Variants in CORO2B observed in about 807,000 individuals in gnomAD.
The protein encoded by CORO2B is coronin-2B.
In CORO2B, 26 loss-of-function variants were observed where a neutral mutation model predicts 58.8. The ratio of observed to expected loss-of-function variants is 0.44; its 90% CI spans 0.32 to 0.61. The LOEUF is 0.61. Ranked by LOEUF, CORO2B falls within the 20% of genes least tolerant of loss-of-function variation. The pLI, the probability that CORO2B is intolerant of heterozygous loss-of-function variation, is 0.04. For missense variants in CORO2B, 460 were observed against 645.1 expected (o/e 0.71, Z 3.11); for synonymous variants, 242 against 253.8 (o/e 0.95, Z 0.44).
chr15:68,593,510 A>AATC (rs1205465406), intron 1 of CORO2B, among the ~76,000 whole-genome samples: 1 of 152,168 alleles, frequency 6.6e-6, no homozygotes, highest in Non-Finnish European at 1.5e-5. Flanking sequence ...GCTGAAACAC[A>AATC]ATCTGGAGCC....
At chr15:68,559,526 G>C in the CORO2B span, 1 of 913,308 alleles carries the variant, frequency 1.1e-6, no homozygotes, top group Non-Finnish European at 1.3e-6. This position sits in a 1 kb window ranked among gnomAD's most constrained non-coding sequence, Gnocchi z 4.3. Context: ...AGGGGGTAGC[G>C]GGGAGGGCGA....
At chr15:68,632,604 T>G (rs1407293067) in intron 1 of CORO2B, among the ~76,000 whole-genome samples, 1 of 152,252 alleles carries the variant, frequency 6.6e-6, no homozygotes, top group Non-Finnish European at 1.5e-5. Flanking sequence ...TTTTGTGTTT[T>G]TTTGGAGACA....
intron 1 of CORO2B, among the ~76,000 whole-genome samples, chr15:68,614,328 G>A (rs561795521): frequency 2.6e-5 from 4 of 152,286 alleles, no homozygotes; most frequent in African/African-American, 7.2e-5. Context: ...GGAAGGTGCC[G>A]TATTATCACA....
intron 1 of CORO2B, among the ~76,000 whole-genome samples, chr15:68,586,962 C>A (rs1024088752): frequency 2.6e-5 from 4 of 151,850 alleles, no homozygotes; most frequent in Non-Finnish European, 5.9e-5. Context: ...TTAGTGGGCT[C>A]AATTATGACC....
At chr15:68,678,821 T>A (rs1453418953) in intron 2 of CORO2B, among the ~76,000 whole-genome samples, 1 of 152,156 alleles carries the variant, frequency 6.6e-6, no homozygotes, top group Non-Finnish European at 1.5e-5. Flanking sequence ...ACTCCAGCCT[T>A]CATTGCCGGT....
At chr15:68,619,322 C>T (rs1665297573) in intron 1 of CORO2B, among the ~76,000 whole-genome samples, 1 of 152,134 alleles carries the variant, frequency 6.6e-6, no homozygotes, top group African/African-American at 2.4e-5. Context: ...TTTCATCCTG[C>T]TGCAATGTAT....
chr15:68,530,897 C>T, the CORO2B span, among the ~76,000 whole-genome samples: 3 of 152,088 alleles, frequency 2.0e-5, no homozygotes, highest in Non-Finnish European at 4.4e-5. Flanking sequence ...GAATCTGCCT[C>T]TTTATTGTTT....
intron 3 of CORO2B, among the ~76,000 whole-genome samples, chr15:68,705,561 C>T (rs1397642789): frequency 6.6e-6 from 1 of 151,994 alleles, no homozygotes; most frequent in Admixed American, 6.5e-5. Flanking sequence ...GATATTTATT[C>T]ATCTGAGTCC....
chr15:68,616,152 G>T (rs958003973), intron 1 of CORO2B, among the ~76,000 whole-genome samples: 1 of 152,152 alleles, frequency 6.6e-6, no homozygotes, highest in African/African-American at 2.4e-5. Flanking sequence ...CTGTGCTTTT[G>T]TAGTAAACAG....
At chr15:68,623,114 G>A (rs1199287423) in intron 1 of CORO2B, among the ~76,000 whole-genome samples, 1 of 152,046 alleles carries the variant, frequency 6.6e-6, no homozygotes, top group Non-Finnish European at 1.5e-5. Context: ...GCAGTGAGCC[G>A]AGATCACGCT....
chr15:68,606,461 T>C (rs1900126348), intron 1 of CORO2B, among the ~76,000 whole-genome samples: 1 of 152,176 alleles, frequency 6.6e-6, no homozygotes, highest in Non-Finnish European at 1.5e-5. Context: ...CATAGGGCCT[T>C]ACATGTGGGC....
At position 68,638,453 on chromosome 15, in the gene CORO2B, G is replaced by A. The variant is rs146418130; in HGVS notation, c.16-6707G>A. ...AAGGAAACTGATATTCAGACAGGTT[G>A]AGTAGGTAGTCCAAAGTCGTACAAC... On this transcript the variant is annotated intron_variant, in intron 1 of 11. Coordinates refer to ENST00000261861, the MANE Select transcript of CORO2B (RefSeq NM_006091.5). Among the ~76,000 whole-genome samples, 1,367 of 152,312 alleles carry A rather than the reference G, an allele frequency of 9.0e-3. 16 individuals are homozygous for A. Among genetic ancestry groups the A allele is most frequent in the Non-Finnish European group, 0.013 (914 of 68,026 alleles).
At chr15:68,539,288 C>T in the CORO2B span, among the ~76,000 whole-genome samples, 4 of 152,108 alleles carry the variant, frequency 2.6e-5, no homozygotes, top group Non-Finnish European at 5.9e-5. Context: ...TTTAATGGGC[C>T]CATCTCCATT....
intron 2 of CORO2B, among the ~76,000 whole-genome samples, chr15:68,679,395 C>T (rs1246351240): frequency 1.3e-5 from 2 of 152,212 alleles, no homozygotes; most frequent in Non-Finnish European, 2.9e-5. Flanking sequence ...GGGTTAGACA[C>T]ATACCCCACC....
At chr15:68,543,832 C>T in the CORO2B span, among the ~76,000 whole-genome samples, 5 of 152,134 alleles carry the variant, frequency 3.3e-5, no homozygotes, top group Non-Finnish European at 5.9e-5. Context: ...ACGCACACTG[C>T]GGTGACTGCC....
intron 6 of CORO2B, 120 bp downstream of exon 6, chr15:68,714,161 G>A (rs1448691905): frequency 7.4e-6 from 5 of 672,954 alleles, no homozygotes; most frequent in Non-Finnish European, 1.3e-5. Context: ...CATTCCCAGT[G>A]GAGAAATCAG....
chr15:68,529,572 C>T, the CORO2B span, among the ~76,000 whole-genome samples: 11 of 151,542 alleles, frequency 7.3e-5, no homozygotes, highest in Non-Finnish European at 2.9e-5. Context: ...TCTAGTTATG[C>T]CTCCTCTTTC....
the CORO2B span, among the ~76,000 whole-genome samples, chr15:68,525,781 G>A: frequency 2.6e-5 from 4 of 151,986 alleles, no homozygotes; most frequent in East Asian, 1.9e-4. Context: ...AAATTATAAC[G>A]TGTTAAAATG....
intron 8 of CORO2B, among the ~76,000 whole-genome samples, chr15:68,717,905 A>T (rs1481702207): frequency 1.3e-5 from 2 of 152,182 alleles, no homozygotes; most frequent in Admixed American, 1.3e-4. Context: ...GTATCTTGGA[A>T]CATATTCTGC....
Sources: gnomAD v4.1 joint callset for allele counts (sites outside exome capture counted in the v4.1 genomes callset) on GRCh38, gnomAD v4.1.1 for gene constraint, Gnocchi (gnomAD v3.1) non-coding constraint, MANE v1.5 for transcripts, NCBI Gene and HGNC (gene_info 2026-07-23, HGNC 2026-07-21) for gene names.